UVRAG: variants seen among roughly 807,000 people sequenced by gnomAD.
The protein encoded by UVRAG is UV radiation resistance associated, also known as UV radiation resistance-associated gene protein.
UVRAG carries 19 observed loss-of-function variants against 78.0 expected under a neutral mutation model. The ratio of observed to expected loss-of-function variants is 0.24; its 90% CI spans 0.17 to 0.36. The LOEUF (loss-of-function observed/expected upper bound fraction) is 0.36, where lower values mean the gene tolerates loss of function less well. Among genes scored for constraint, UVRAG ranks in the 10% least tolerant of loss-of-function variants. UVRAG has a pLI of 1.00. For synonymous variants in UVRAG, 323 were observed against 324.6 expected (o/e 1.00, Z 0.05); for missense variants, 740 against 853.8 (o/e 0.87, Z 1.66).
intron 12 of UVRAG, among the ~76,000 whole-genome samples, chr11:76,037,188 C>G (rs1950549629): frequency 6.6e-6 from 1 of 152,074 alleles, no homozygotes; most frequent in African/African-American, 2.4e-5. Flanking sequence ...ATCTTTCATA[C>G]TAAGTTGCCA....
At chr11:76,005,892 G>T (rs1949926603) in intron 9 of UVRAG, among the ~76,000 whole-genome samples, 1 of 152,206 alleles carries the variant, frequency 6.6e-6, no homozygotes, top group East Asian at 1.9e-4. Flanking sequence ...ATAGGGCAAG[G>T]TATGGGGGAG....
chr11:75,874,697 G>A (rs997877052), intron 3 of UVRAG, among the ~76,000 whole-genome samples: 1 of 152,196 alleles, frequency 6.6e-6, no homozygotes, highest in South Asian at 2.1e-4. Context: ...ACTGTCACTA[G>A]TAAGTATTAA....
intron 4 of UVRAG, among the ~76,000 whole-genome samples, chr11:75,881,321 G>T (rs571744081): frequency 6.6e-6 from 1 of 152,270 alleles, no homozygotes; most frequent in South Asian, 2.1e-4. Flanking sequence ...ATCAATACAT[G>T]TAAGAAGTAC....
intron 8 of UVRAG, among the ~76,000 whole-genome samples, chr11:75,989,016 C>G (rs1384981512): frequency 6.6e-6 from 1 of 151,992 alleles, no homozygotes; most frequent in African/African-American, 2.4e-5. Context: ...TCTTCCCTAT[C>G]TTAACAGTGT....
chr11:76,132,830 T>C (rs1952535850), intron 14 of UVRAG, among the ~76,000 whole-genome samples: 1 of 152,180 alleles, frequency 6.6e-6, no homozygotes, highest in African/African-American at 2.4e-5. Context: ...TTTCTCATTC[T>C]CACCCCATCC....
intron 6 of UVRAG, among the ~76,000 whole-genome samples, chr11:75,922,104 G>A (rs898908389): frequency 1.3e-5 from 2 of 151,926 alleles, no homozygotes; most frequent in African/African-American, 2.4e-5. Context: ...AATTTTAATC[G>A]AAATTTTTAT....
At chr11:75,930,931 C>T (rs996353918) in intron 6 of UVRAG, 4 of 118,776 alleles carry the variant, frequency 3.4e-5, no homozygotes, top group African/African-American at 1.5e-4. Flanking sequence ...TCGGGATTTT[C>T]TTTCTTTCTT....
intron 5 of UVRAG, among the ~76,000 whole-genome samples, chr11:75,899,247 A>G (rs559666057): frequency 3.5e-4 from 53 of 152,126 alleles, no homozygotes; most frequent in Non-Finnish European, 5.7e-4. Context: ...TTTCTGAACT[A>G]TTTGAGCTGG....
chr11:75,819,862 G>A (rs1342054622), intron 1 of UVRAG, among the ~76,000 whole-genome samples: 1 of 152,012 alleles, frequency 6.6e-6, no homozygotes, highest in Non-Finnish European at 1.5e-5. Flanking sequence ...CCAGCTATTT[G>A]GAGGCTGAGG....
intron 14 of UVRAG, among the ~76,000 whole-genome samples, chr11:76,122,857 G>A (rs985471042): frequency 3.9e-5 from 6 of 152,138 alleles, no homozygotes; most frequent in African/African-American, 1.2e-4. Context: ...CTCACCCATA[G>A]TTAGAAGTTA....
intron 12 of UVRAG, among the ~76,000 whole-genome samples, chr11:76,058,060 A>T (rs1437704304): frequency 6.6e-6 from 1 of 152,218 alleles, no homozygotes; most frequent in East Asian, 1.9e-4. Context: ...TGCTCCTGAT[A>T]GTAGGTCATC....
In UVRAG at chr11:75,888,811, A is replaced by G. The variant is rs1947151448; in HGVS notation, c.433-18A>G. ...TCGGAATAAAAATAACAAATACTGT[A>G]TTTTCCTCCTCTCTTAGATTCATGC... is the stretch of plus-strand genomic sequence containing the variant. On this transcript the variant is annotated intron_variant, in intron 4 of 14. Transcript: ENST00000356136. 1.2e-6 allele frequency: 2 copies of G among 1,603,554 alleles called. No homozygotes were observed. Among genetic ancestry groups the G allele is most frequent in the African/African-American group, 1.3e-5 (1 of 74,680 alleles).
At chr11:75,847,800 G>A (rs1476036016) in intron 1 of UVRAG, among the ~76,000 whole-genome samples, 3 of 151,808 alleles carry the variant, frequency 2.0e-5, no homozygotes, top group African/African-American at 4.8e-5. Context: ...GTGAAACCCC[G>A]TCTCCACTAA....
intron 6 of UVRAG, among the ~76,000 whole-genome samples, chr11:75,952,875 A>G (rs766454159): frequency 1.3e-5 from 2 of 152,116 alleles, no homozygotes; most frequent in Admixed American, 6.6e-5. Flanking sequence ...CGGTGAAGCT[A>G]TCTGAGCCTA....
At chr11:75,956,321 A>G (rs754771381) in intron 6 of UVRAG, among the ~76,000 whole-genome samples, 20 of 152,100 alleles carry the variant, frequency 1.3e-4, no homozygotes, top group Non-Finnish European at 2.6e-4. Flanking sequence ...TAACTTAATA[A>G]CTAATAATTT....
At chr11:75,829,844 C>T (rs1032569790) in intron 1 of UVRAG, among the ~76,000 whole-genome samples, 3 of 152,094 alleles carry the variant, frequency 2.0e-5, no homozygotes, top group Admixed American at 6.6e-5. Flanking sequence ...TCTTCTTTTT[C>T]TTTTTACTTT....
In UVRAG at chr11:76,116,022, A is replaced by C; in HGVS notation, c.1397+7A>C. The stretch of plus-strand genomic sequence containing the variant: ...ATGGACTAATGGTCAGGTGGTGAGT[A>C]CCTTTATCTCTGATAACCAGAAACT... On this transcript the variant is annotated splice_region_variant and intron_variant, in intron 14 of 14. Transcript: ENST00000356136. The C allele has an allele frequency of 6.2e-7, 1 of 1,612,740 alleles. No individual in the cohort carries two copies. The highest frequency in any genetic ancestry group is 8.5e-7 in the Non-Finnish European group (1 of 1,178,928).
intron 7 of UVRAG, among the ~76,000 whole-genome samples, chr11:75,979,294 G>T (rs532333952): frequency 6.6e-6 from 1 of 152,200 alleles, no homozygotes; most frequent in Non-Finnish European, 1.5e-5. Flanking sequence ...CTGCTGGGAG[G>T]TGCCTCCCAG....
intron 3 of UVRAG, among the ~76,000 whole-genome samples, chr11:75,871,267 T>C (rs886481275): frequency 7.3e-5 from 11 of 151,118 alleles, no homozygotes; most frequent in Non-Finnish European, 1.5e-4. Flanking sequence ...TATGAACTTT[T>C]ACATGGCATA....
Sources: allele counts gnomAD v4.1 joint callset (sites outside exome capture counted in the v4.1 genomes callset), GRCh38; gene constraint gnomAD v4.1.1; transcripts MANE v1.5; gene names NCBI Gene and HGNC (gene_info 2026-07-23, HGNC 2026-07-21).